The following TSPAN4 variants were observed in gnomAD, a reference collection of about 807,000 sequenced individuals.
TSPAN4 encodes the protein tetraspanin-4.
Under a neutral mutation model 31.5 loss-of-function variants are expected in TSPAN4, and 38 were observed. The observed-to-expected ratio is 1.21, with a 90% confidence interval of 0.93 to 1.58. The LOEUF (loss-of-function observed/expected upper bound fraction) is 1.58. TSPAN4 is among the 40% of genes most tolerant of loss of function. TSPAN4 has a pLI of 0.00. For missense variants in TSPAN4, 330 were observed against 317.3 expected, an observed-to-expected ratio of 1.04 and a Z score of -0.30; for synonymous variants, 186 against 144.6, an observed-to-expected ratio of 1.29 and a Z score of -2.06.
intron 3 of TSPAN4, among the ~76,000 whole-genome samples, chr11:854,198 G>A (rs146939640): frequency 6.6e-6 from 1 of 152,278 alleles, no homozygotes; most frequent in African/African-American, 2.4e-5. Flanking sequence ...TCCTGGCCTC[G>A]GCTCCTTCCA....
At chr11:861,935 AAAAG>A (rs1006984201) in intron 3 of TSPAN4, among the ~76,000 whole-genome samples, 10 of 152,240 alleles carry the variant, frequency 6.6e-5, no homozygotes, top group East Asian at 1.9e-4. Context: ...AAAAAAGAAA[AAAAG>A]AAAGAAATCA....
At position 865,640 on chromosome 11, in the gene TSPAN4, T is replaced by C. The variant is rs375815487; in HGVS notation, c.432+26T>C. ...GTGAGGCGTGGGCAGGTGGGCGGGG[T>C]CGGCGGGTGCCCCCTCCCCTCCTGC... is the stretch of plus-strand genomic sequence containing the variant. On this transcript the variant is annotated intron_variant, in intron 6 of 8. Transcript: ENST00000397397. 5.0e-6 allele frequency: 8 copies of C among 1,611,882 alleles called. No homozygotes were observed. In the East Asian group the frequency reaches 1.8e-4, roughly 36 times the overall value.
At chr11:854,759 T>G (rs1455602814) in intron 3 of TSPAN4, among the ~76,000 whole-genome samples, 1 of 152,140 alleles carries the variant, frequency 6.6e-6, no homozygotes. Context: ...AGCCTTGGCT[T>G]CCCCTCCCCT....
intron 5 of TSPAN4, 26 bp downstream of exon 5, chr11:864,537 A>C: frequency 6.2e-7 from 1 of 1,610,460 alleles, no homozygotes; most frequent in East Asian, 2.2e-5. Context: ...CCGCAGGCCC[A>C]ACTGCAGGGC....
Position 866,680 on chromosome 11 carries a change from C to A in TSPAN4, c.*50C>A. On this transcript the variant is annotated 3_prime_UTR_variant, in exon 9 of 9. Transcript: ENST00000397397. ...CAAAAGGACGCCCACGGGGAGATGGCCGCACCCACAGCTGCCTTTCCCACC... is the reference window on the plus strand; with the variant it reads ...CAAAAGGACGCCCACGGGGAGATGGACGCACCCACAGCTGCCTTTCCCACC... 6.5e-7 allele frequency: 1 copy of A among 1,545,894 alleles called. No individual in the cohort carries two copies. The highest frequency in any genetic ancestry group is 8.8e-7 in the Non-Finnish European group (1 of 1,134,932).
chr11:860,764 T>A (rs1297046727), intron 3 of TSPAN4, among the ~76,000 whole-genome samples: 1 of 152,160 alleles, frequency 6.6e-6, no homozygotes, highest in Admixed American at 6.5e-5. Context: ...GAGCCTGTCC[T>A]CAGGCATGTG....
chr11:856,651 C>T (rs1226047661), intron 3 of TSPAN4, among the ~76,000 whole-genome samples: 2 of 152,204 alleles, frequency 1.3e-5, no homozygotes, highest in African/African-American at 4.8e-5. Context: ...GGTCCAGGCC[C>T]AGATGCTGGG....
chr11:846,678 A>C (rs1002582678), intron 1 of TSPAN4, among the ~76,000 whole-genome samples: 2 of 152,140 alleles, frequency 1.3e-5, no homozygotes, highest in Non-Finnish European at 2.9e-5. Flanking sequence ...TGGCAGCTCC[A>C]TAGGGAGGGC....
intron 3 of TSPAN4, among the ~76,000 whole-genome samples, chr11:860,749 G>T (rs984672668): frequency 6.6e-6 from 1 of 152,168 alleles, no homozygotes; most frequent in African/African-American, 2.4e-5. Flanking sequence ...CAGAGCCTGG[G>T]GTCTGAGCCT....
intron 3 of TSPAN4, among the ~76,000 whole-genome samples, chr11:854,029 C>T (rs1235744729): frequency 6.6e-6 from 1 of 152,208 alleles, no homozygotes; most frequent in African/African-American, 2.4e-5. Context: ...TCTGTGCTGC[C>T]TGGTCAGCTC....
At chr11:845,031 C>T (rs1818115013) in intron 1 of TSPAN4, among the ~76,000 whole-genome samples, 1 of 152,190 alleles carries the variant, frequency 6.6e-6, no homozygotes, top group South Asian at 2.1e-4. Flanking sequence ...TCCCAGCCCA[C>T]GTTTCCCTGT....
chr11:848,094 C>T lies in TSPAN4; in HGVS notation c.-18+794C>T, dbSNP rs1031232738. ...AGGTCACATGTGAGCTCCCTGGAGG[C>T]GCTGCACACGGCTGAGTGTCTGCCC... is the stretch of plus-strand genomic sequence containing the variant. On this transcript the variant is annotated intron_variant, in intron 2 of 8. Transcript: ENST00000397397. This position sits in a 1 kb window ranked among gnomAD's most constrained non-coding sequence, Gnocchi z 5.7. 7.2e-5 allele frequency among the ~76,000 whole-genome samples: 11 copies of T among 152,226 alleles called. No individual in the cohort carries two copies. Among genetic ancestry groups the T allele is most frequent in the Non-Finnish European group, 1.5e-4 (10 of 68,034 alleles).
At chr11:843,343 G>A (rs980719225) in intron 1 of TSPAN4, 1 of 152,208 alleles carries the variant, frequency 6.6e-6, no homozygotes, top group Admixed American at 6.5e-5. Context: ...GCGCCCTCCC[G>A]GGTCCCGGCT....
At chr11:852,764 G>A (rs148963015) in intron 3 of TSPAN4, among the ~76,000 whole-genome samples, 158 of 152,296 alleles carry the variant, frequency 1.0e-3, no homozygotes, top group Middle Eastern at 3.4e-3. Flanking sequence ...TTTCCTACTC[G>A]TTGGGAGACC....
At position 866,665 on chromosome 11, in the gene TSPAN4, C is replaced by T. The variant is rs768379074; in HGVS notation, c.*35C>T. The T allele has an allele frequency of 1.9e-6, 3 of 1,594,878 alleles. No homozygotes were observed. The highest frequency in any genetic ancestry group is 4.5e-5 in the East Asian group (2 of 44,272). On this transcript the variant is annotated 3_prime_UTR_variant, in exon 9 of 9. Coordinates refer to ENST00000397397, the MANE Select transcript of TSPAN4 (RefSeq NM_003271.5). ...CGCCCGCTTCTCTGCCAAAAGGACG[C>T]CCACGGGGAGATGGCCGCACCCACA... is the stretch of plus-strand genomic sequence containing the variant.
chr11:862,990 G>T (rs550587472), intron 4 of TSPAN4: 2 of 489,754 alleles, frequency 4.1e-6, no homozygotes, highest in South Asian at 3.0e-5. Flanking sequence ...CTTGTCAGGG[G>T]CCTCCCCTGA....
At position 850,361 on chromosome 11, in the gene TSPAN4, C is replaced by T. The variant is rs934958063; in HGVS notation, c.57C>T (p.Leu19=). 13 of 1,603,450 alleles carry T rather than the reference C, an allele frequency of 8.1e-6. No individual in the cohort carries two copies. The highest frequency in any genetic ancestry group is 6.7e-5 in the Admixed American group (4 of 59,906). The change falls in exon 3 of 9, where the codon CTC becomes CTT. Residue 19 remains leucine (L), a synonymous_variant. Transcript: ENST00000397397. ...VKYLMFAFNL[L]FWLGGCGVLG... ...ACCTCATGTTCGCCTTCAACCTGCT[C>T]TTCTGGGTGAGTCCGGGGGCCGGGG... is the stretch of plus-strand genomic sequence containing the variant.
chr11:852,057 T>G (rs1847779488), intron 3 of TSPAN4, among the ~76,000 whole-genome samples: 1 of 152,154 alleles, frequency 6.6e-6, no homozygotes, highest in Non-Finnish European at 1.5e-5. Context: ...TCCCCCATCC[T>G]CAACCTGGGA....
Position 862,714 on chromosome 11 carries a change from C to G in TSPAN4, c.228C>G (p.Ile76Met), listed in dbSNP as rs142273247. ...GCTTCGTGGGCTGCCTGGGTGCCAT[C>G]AAGGAGAACAAGTGCCTCCTGCTCA... ...AIGFVGCLGA[I>M]KENKCLLLTF... The change falls in exon 4 of 9, where the codon ATC becomes ATG. Residue 76 changes from isoleucine to methionine, a missense_variant. Ile to Met is a conservative substitution (Grantham distance 10). Transcript: ENST00000397397. 1 of 1,612,440 alleles carries G rather than the reference C, an allele frequency of 6.2e-7. No homozygotes were observed. The highest frequency in any genetic ancestry group is 1.7e-5 in the Admixed American group (1 of 59,962).
Sources: gnomAD v4.1 joint callset for allele counts (sites outside exome capture counted in the v4.1 genomes callset) on GRCh38, gnomAD v4.1.1 for gene constraint, Gnocchi (gnomAD v3.1) non-coding constraint, MANE v1.5 for transcripts, NCBI Gene and HGNC (gene_info 2026-07-23, HGNC 2026-07-21) for gene names.